The following CUX2 variants were observed in gnomAD, a reference collection of about 807,000 sequenced individuals.
CUX2 encodes the protein homeobox protein cut-like 2.
In CUX2, 40 loss-of-function variants were observed where a neutral mutation model predicts 144.8. The ratio of observed to expected loss-of-function variants is 0.28; its 90% confidence interval spans 0.21 to 0.36. The LOEUF (loss-of-function observed/expected upper bound fraction) is 0.36, where lower values mean the gene tolerates loss of function less well. Among genes scored for constraint, CUX2 ranks in the 10% least tolerant of loss-of-function variants. The pLI is 1.00. For missense variants in CUX2, 1,615 were observed against 1,994.0 expected (o/e 0.81, Z 3.62); for synonymous variants, 827 against 875.6 (o/e 0.94, Z 0.98).
chr12:111,262,074 C>T (rs973773061), intron 3 of CUX2, among the ~76,000 whole-genome samples: 1 of 152,172 alleles, frequency 6.6e-6, no homozygotes, highest in African/African-American at 2.4e-5. Flanking sequence ...AGCCTCCCCC[C>T]AATTTACACA....
intron 1 of CUX2, among the ~76,000 whole-genome samples, chr12:111,048,762 G>A (rs1467252994): frequency 6.6e-6 from 1 of 152,230 alleles, no homozygotes. Context: ...GTCCCAGGGG[G>A]TCGTGTGCTG....
chr12:111,199,653 T>C (rs2136206353), intron 1 of CUX2, among the ~76,000 whole-genome samples: 1 of 152,240 alleles, frequency 6.6e-6, no homozygotes, highest in South Asian at 2.1e-4. Context: ...TCTTAGTCAA[T>C]AGAGTAAGAA....
intron 3 of CUX2, among the ~76,000 whole-genome samples, chr12:111,226,613 T>A (rs60603201): frequency 0.014 from 2,173 of 152,322 alleles, 46 homozygotes; most frequent in African/African-American, 0.049. Flanking sequence ...ATTTTTTTAA[T>A]CTTGGAGTCA....
intron 3 of CUX2, among the ~76,000 whole-genome samples, chr12:111,227,421 T>TC (rs1882209700): frequency 6.6e-6 from 1 of 151,978 alleles, no homozygotes; most frequent in Non-Finnish European, 1.5e-5. Flanking sequence ...GGGACCTACC[T>TC]CCTAGGGAGG....
At chr12:111,294,542 C>A (rs1388155172) in intron 6 of CUX2, among the ~76,000 whole-genome samples, 1 of 149,292 alleles carries the variant, frequency 6.7e-6, no homozygotes, top group Non-Finnish European at 1.5e-5. Context: ...ATGATTGCGC[C>A]ACTGCACTCC....
At position 111,039,164 on chromosome 12, in the gene CUX2, G is replaced by C. The variant is rs147220183; in HGVS notation, c.63+4924G>C. On this transcript the variant is annotated intron_variant, in intron 1 of 21. Transcript: ENST00000261726. This position sits in a 1 kb window ranked among gnomAD's most constrained non-coding sequence, Gnocchi z 4.2. ...TTCTGAAAGGGCTGAATTTCCGGTG[G>C]CTTCCTGGCTATCTAATTCAAAGGC... Among the ~76,000 whole-genome samples the C allele has an allele frequency of 0.024, 3,580 of 152,158 alleles. 48 individuals carry two copies. The highest frequency in any genetic ancestry group is 0.068 in the Middle Eastern group (20 of 294).
rs1592966718 is a variant in CUX2 at position 111,322,560 on chromosome 12, A to G, written c.2906A>G (p.Gln969Arg). 1.2e-6 allele frequency: 2 copies of G among 1,609,654 alleles called. No homozygotes were observed. The highest frequency in any genetic ancestry group is 1.7e-6 in the Non-Finnish European group (2 of 1,179,658). The change falls in exon 18 of 22, where the codon CAG becomes CGG. Residue 969 changes from glutamine (Q) to arginine (R), a missense_variant. Around this residue, in one of 12 missense-constraint regions of CUX2, gnomAD observed 128 missense variants for 124.4 expected, o/e 1.03. Transcript: ENST00000261726. The surrounding 1 kb of genome is among the most constrained non-coding windows in gnomAD (Gnocchi z 4.2). ...GACCAGCTCGGCCAGGCAGTGGGCC[A>G]GCAGCCTGGTGCCTCCCAGGGTGAG... Reference protein sequence around the residue: ...LSDQLGQAVGQQPGASQASPT... With the variant: ...LSDQLGQAVGRQPGASQASPT...
At chr12:111,309,042 T>C (rs966485934) in intron 14 of CUX2, among the ~76,000 whole-genome samples, 2 of 152,104 alleles carry the variant, frequency 1.3e-5, no homozygotes, top group Admixed American at 6.6e-5. Context: ...GTAGCTGGGA[T>C]TACAGGCATG....
At position 111,039,988 on chromosome 12, in the gene CUX2, A is replaced by G. The variant is rs977431417; in HGVS notation, c.63+5748A>G. ...TTGTAGTGTTTTGGAGGATGTAGACATTATATTCCTATCATGGCCCAGGCG... is the reference window on the plus strand; with the variant it reads ...TTGTAGTGTTTTGGAGGATGTAGACGTTATATTCCTATCATGGCCCAGGCG... On this transcript the variant is annotated intron_variant, in intron 1 of 21. Coordinates refer to ENST00000261726, the MANE Select transcript of CUX2 (RefSeq NM_015267.4). This position sits in a 1 kb window ranked among gnomAD's most constrained non-coding sequence, Gnocchi z 4.2. Among the ~76,000 whole-genome samples the G allele has an allele frequency of 1.1e-4, 17 of 152,146 alleles. No homozygotes were observed. The highest frequency in any genetic ancestry group is 1.5e-5 in the Non-Finnish European group (1 of 68,028).
chr12:111,282,871 C>G (rs970209729), intron 4 of CUX2, among the ~76,000 whole-genome samples: 2 of 152,008 alleles, frequency 1.3e-5, no homozygotes, highest in African/African-American at 4.8e-5. Flanking sequence ...TCCGCACCTC[C>G]CCCCACCAAA....
intron 10 of CUX2, among the ~76,000 whole-genome samples, chr12:111,306,126 AC>A (rs1282127207): frequency 6.6e-6 from 1 of 151,594 alleles, no homozygotes; most frequent in African/African-American, 2.4e-5. Context: ...TTCTTAATTA[AC>A]CCCCGTGGAA....
chr12:111,179,448 T>C (rs1436395556), intron 1 of CUX2, among the ~76,000 whole-genome samples: 3 of 152,214 alleles, frequency 2.0e-5, no homozygotes, highest in Non-Finnish European at 4.4e-5. Context: ...TGGGGATGTT[T>C]AACTTCACTT....
intron 1 of CUX2, among the ~76,000 whole-genome samples, chr12:111,092,735 C>T (rs746126974): frequency 2.6e-5 from 4 of 151,654 alleles, no homozygotes; most frequent in Non-Finnish European, 5.9e-5. Flanking sequence ...TTTGCAGTGA[C>T]CCTCTGAGGA....
chr12:111,220,000 C>T (rs1289420469), intron 3 of CUX2, among the ~76,000 whole-genome samples: 2 of 151,982 alleles, frequency 1.3e-5, no homozygotes, highest in African/African-American at 2.4e-5. Flanking sequence ...AAAAATTAGC[C>T]AGGTGTGGTA....
At chr12:111,251,435 C>T (rs1883556188) in intron 3 of CUX2, among the ~76,000 whole-genome samples, 1 of 152,086 alleles carries the variant, frequency 6.6e-6, no homozygotes, top group African/African-American at 2.4e-5. Flanking sequence ...ATTATAAAAT[C>T]AGCAGTTTGT....
intron 19 of CUX2, among the ~76,000 whole-genome samples, chr12:111,336,360 GA>G (rs903761817): frequency 1.6e-4 from 24 of 150,100 alleles, no homozygotes; most frequent in Admixed American, 1.0e-3. Context: ...AAAAGTACAG[GA>G]AAAAAAAAGT....
intron 1 of CUX2, among the ~76,000 whole-genome samples, chr12:111,208,484 CT>C (rs1433457559): frequency 6.6e-6 from 1 of 152,224 alleles, no homozygotes; most frequent in African/African-American, 2.4e-5. Flanking sequence ...GAATGCTAGA[CT>C]TGCTTCCCCA....
intron 1 of CUX2, among the ~76,000 whole-genome samples, chr12:111,036,391 G>C (rs1371628349): frequency 6.6e-6 from 1 of 152,184 alleles, no homozygotes; most frequent in African/African-American, 2.4e-5. Flanking sequence ...AGGGAGGTTG[G>C]AACCTCACTG....
At chr12:111,112,973 A>C (rs575490316) in intron 1 of CUX2, among the ~76,000 whole-genome samples, 12 of 152,308 alleles carry the variant, frequency 7.9e-5, no homozygotes, top group Admixed American at 7.2e-4. Context: ...CGCGTATCTG[A>C]GGATAGACAT....
Sources: gnomAD v4.1 joint callset for allele counts (sites outside exome capture counted in the v4.1 genomes callset) on GRCh38, gnomAD v4.1.1 for gene constraint, gnomAD v4.1.1 regional missense constraint, Gnocchi (gnomAD v3.1) non-coding constraint, MANE v1.5 for transcripts, NCBI Gene and HGNC (gene_info 2026-07-23, HGNC 2026-07-21) for gene names.